Variants in NBEA observed in about 807,000 individuals in gnomAD.
NBEA encodes the protein lysosomal-trafficking regulator 2.
Under a neutral mutation model 343.4 loss-of-function variants are expected in NBEA, and 44 were observed. That is an observed-to-expected ratio of 0.13 (90% CI 0.10 to 0.16). The LOEUF (loss-of-function observed/expected upper bound fraction) is 0.16. NBEA is among the 10% of genes least tolerant of loss of function. NBEA has a pLI of 1.00. For synonymous variants in NBEA, 1,175 were observed against 1,238.7 expected (o/e 0.95, Z 1.08); for missense variants, 2,555 against 3,631.3 (o/e 0.70, Z 7.62).
chr13:35,611,702 A>C (rs970978126), intron 48 of NBEA, among the ~76,000 whole-genome samples: 17 of 152,162 alleles, frequency 1.1e-4, no homozygotes, highest in Admixed American at 3.3e-4. Context: ...TTCTTTGAGT[A>C]GTTTTTGAGA....
In NBEA at chr13:34,942,980, G is replaced by A. The variant is rs1480924858; in HGVS notation, c.160G>A (p.Val54Met). The change falls in exon 1 of 59, where the codon GTG (valine) becomes ATG (methionine). Residue 54 changes from valine (V) to methionine (M), a missense_variant. By Grantham distance (21) the Val-to-Met change is conservative. Transcript: ENST00000379939. Reference sequence around the variant, plus strand: ...AAGGGGGGCGTCCGGCTCCGGCTCGGTGATGCTCCCCGCGGGGATGATTAA... The same window carrying A: ...AAGGGGGGCGTCCGGCTCCGGCTCGATGATGCTCCCCGCGGGGATGATTAA... ...ELRGASGSGS[V>M]MLPAGMINPS... The A allele has an allele frequency of 6.2e-7, 1 of 1,608,156 alleles. No homozygotes were observed. Among genetic ancestry groups the A allele is most frequent in the Admixed American group, 1.7e-5 (1 of 59,720 alleles).
At chr13:35,201,507 A>T (rs2073020365) in intron 31 of NBEA, among the ~76,000 whole-genome samples, 1 of 151,948 alleles carries the variant, frequency 6.6e-6, no homozygotes, top group East Asian at 1.9e-4. Context: ...TTAAGTTTCA[A>T]CGTTTTCTTT....
chr13:35,543,741 A>T (rs1248802209), intron 41 of NBEA, among the ~76,000 whole-genome samples: 1 of 152,140 alleles, frequency 6.6e-6, no homozygotes, highest in Non-Finnish European at 1.5e-5. Context: ...GAGAACCTGT[A>T]CTATCTTATG....
At chr13:35,638,521 G>A (rs1358186038) in intron 49 of NBEA, among the ~76,000 whole-genome samples, 1 of 152,178 alleles carries the variant, frequency 6.6e-6, no homozygotes, top group Non-Finnish European at 1.5e-5. Context: ...CCTGAGCTCT[G>A]TCATTGGCTG....
At chr13:35,177,872 TTGAA>T (rs1336717263) in intron 28 of NBEA, among the ~76,000 whole-genome samples, 2 of 151,758 alleles carry the variant, frequency 1.3e-5, no homozygotes, top group Non-Finnish European at 3.0e-5. Flanking sequence ...TAACAGTAAA[TTGAA>T]TGGCATGCTT....
chr13:35,051,770 A>G (rs564634337), intron 6 of NBEA, among the ~76,000 whole-genome samples: 1 of 152,164 alleles, frequency 6.6e-6, no homozygotes, highest in African/African-American at 2.4e-5. Context: ...TTTCAGTGGA[A>G]TAGATTAGAA....
chr13:35,076,909 T>C (rs2064145223), intron 10 of NBEA, among the ~76,000 whole-genome samples: 1 of 152,096 alleles, frequency 6.6e-6, no homozygotes, highest in South Asian at 2.1e-4. Context: ...GTCGTGCAGG[T>C]ATAATGGCAT....
chr13:35,356,441 A>G lies in NBEA; in HGVS notation c.6179+4118A>G, dbSNP rs568282802. 2.6e-5 allele frequency among the ~76,000 whole-genome samples: 4 copies of G among 152,306 alleles called. No individual in the cohort carries two copies. The East Asian group carries it at 5.8e-4, about 22-fold the overall frequency. On this transcript the variant is annotated intron_variant, in intron 38 of 58. Transcript: ENST00000379939. ...TTTTGTATAAATTATCAACTTCTAT[A>G]TATTATACAGTGTACGTTTCTACTA... is the stretch of plus-strand genomic sequence containing the variant.
At chr13:34,980,805 A>T (rs2060331374) in intron 1 of NBEA, among the ~76,000 whole-genome samples, 2 of 152,142 alleles carry the variant, frequency 1.3e-5, no homozygotes, top group Non-Finnish European at 1.5e-5. Flanking sequence ...TAGTTTGCTA[A>T]GAGTTTATAC....
chr13:35,064,383 CT>C (rs1373085977), intron 8 of NBEA, among the ~76,000 whole-genome samples: 2 of 151,924 alleles, frequency 1.3e-5, no homozygotes, highest in Non-Finnish European at 2.9e-5. Context: ...CTCCTTTCTT[CT>C]TCATTGAGGA....
chr13:35,436,758 A>G (rs920439373), intron 39 of NBEA, among the ~76,000 whole-genome samples: 1 of 151,986 alleles, frequency 6.6e-6, no homozygotes, highest in Non-Finnish European at 1.5e-5. Flanking sequence ...CTAACTGTGT[A>G]GAATTTCTGC....
rs763083629 is a variant in NBEA, at chr13:35,668,466, T to G, written c.8760T>G (p.Ile2920Met). 1 of 1,612,884 alleles carries G rather than the reference T, an allele frequency of 6.2e-7. No individual in the cohort carries two copies. The highest frequency in any genetic ancestry group is 1.3e-5 in the African/African-American group (1 of 74,852). Residue 2920 changes from isoleucine (I) to methionine (M), a missense_variant, in exon 58 of 59, where the codon ATT becomes ATG. Ile to Met is a conservative substitution (Grantham distance 10, BLOSUM62 1). Coordinates refer to ENST00000379939, the MANE Select transcript of NBEA (RefSeq NM_001385012.1). ...CCTGTGACTTCAAGCAACTGTACAT[T>G]TACCCTGGATGTGATGCTGGCATTA... The part of the protein sequence containing the change: ...WQACDFKQLY[I>M]YPGCDAGIRA...
At chr13:35,024,635 G>A (rs1014885608) in intron 1 of NBEA, among the ~76,000 whole-genome samples, 1 of 152,088 alleles carries the variant, frequency 6.6e-6, no homozygotes, top group Admixed American at 6.6e-5. Context: ...AGCTGAGATT[G>A]TACCACTGCA....
Position 35,110,880 on chromosome 13 carries a change from G to A in NBEA, c.1904G>A (p.Arg635His), listed in dbSNP as rs1375300772. The A allele has an allele frequency of 1.9e-6, 3 of 1,611,978 alleles. No homozygotes were observed. Among genetic ancestry groups the A allele is most frequent in the African/African-American group, 1.3e-5 (1 of 74,954 alleles). The change falls in exon 13 of 59, where the codon CGC (arginine) becomes CAC (histidine). Residue 635 changes from arginine (R) to histidine (H), a missense_variant. Arg to His is a conservative substitution (Grantham distance 29). Coordinates refer to ENST00000379939, the MANE Select transcript of NBEA (RefSeq NM_001385012.1). ...IGTATIYTTI[R>H]RVGTVLQLMH... ...ACTGCTACCATCTACACCACCATAC[G>A]CAGAGTAGGAACAGTATTACAGCTA...
intron 45 of NBEA, among the ~76,000 whole-genome samples, chr13:35,569,436 C>T (rs2080290476): frequency 6.6e-6 from 1 of 152,136 alleles, no homozygotes; most frequent in Admixed American, 6.5e-5. Flanking sequence ...ACGATGACTA[C>T]TATTATGGCT....
At chr13:35,509,710 T>A (rs1316529275) in intron 41 of NBEA, among the ~76,000 whole-genome samples, 2 of 151,650 alleles carry the variant, frequency 1.3e-5, no homozygotes, top group Non-Finnish European at 2.9e-5. Flanking sequence ...AGATAGAGAG[T>A]TAGTGGGAAA....
intron 38 of NBEA, among the ~76,000 whole-genome samples, chr13:35,418,565 G>A (rs1190378430): frequency 1.3e-5 from 2 of 151,954 alleles, no homozygotes; most frequent in African/African-American, 2.4e-5. Flanking sequence ...TAGATGCTCA[G>A]TAAATATATT....
chr13:35,161,168 G>A (rs753035655), intron 22 of NBEA, among the ~76,000 whole-genome samples: 60 of 152,066 alleles, frequency 3.9e-4, no homozygotes, highest in Admixed American at 9.2e-4. Context: ...AACATCGTGC[G>A]TTGTTTATTG....
chr13:35,046,114 T>C (rs1472305525), intron 4 of NBEA, among the ~76,000 whole-genome samples: 1 of 152,182 alleles, frequency 6.6e-6, no homozygotes, highest in Admixed American at 6.6e-5. Context: ...TGTTTTATTC[T>C]GTTCTCTCTT....
Sources: gnomAD v4.1 joint callset for allele counts (sites outside exome capture counted in the v4.1 genomes callset) on GRCh38, gnomAD v4.1.1 for gene constraint, MANE v1.5 for transcripts, NCBI Gene and HGNC (gene_info 2026-07-23, HGNC 2026-07-21) for gene names.